The following SUGCT variants were observed in gnomAD, a reference collection of about 807,000 sequenced individuals.
SUGCT encodes succinyl-CoA:glutarate CoA-transferase.
Under a neutral mutation model 55.0 loss-of-function variants are expected in SUGCT, and 41 were observed. The ratio of observed to expected loss-of-function variants is 0.74; its 90% CI spans 0.58 to 0.97. The LOEUF (loss-of-function observed/expected upper bound fraction) is 0.97. SUGCT is among the 50% of genes least tolerant of loss of function. The pLI, the probability that SUGCT is intolerant of heterozygous loss-of-function variation, is 0.00. For synonymous variants in SUGCT, 187 were observed against 200.4 expected (o/e 0.93, Z 0.56); for missense variants, 568 against 547.8 (o/e 1.04, Z -0.37).
At chr7:40,739,683 A>C (rs899813935) in intron 12 of SUGCT, among the ~76,000 whole-genome samples, 2 of 151,948 alleles carry the variant, frequency 1.3e-5, no homozygotes, top group African/African-American at 4.8e-5. Flanking sequence ...CCTCTATTGC[A>C]TTTGTACCTT....
chr7:40,166,809 C>T (rs1413173367), intron 1 of SUGCT, among the ~76,000 whole-genome samples: 6 of 151,320 alleles, frequency 4.0e-5, no homozygotes, highest in Non-Finnish European at 7.4e-5. Context: ...ATTGCTTGAA[C>T]CCAGGAGGTG....
chr7:40,812,145 G>A (rs1263332144), intron 13 of SUGCT, among the ~76,000 whole-genome samples: 4 of 152,090 alleles, frequency 2.6e-5, no homozygotes, highest in African/African-American at 9.7e-5. Flanking sequence ...TTTGTGTCCT[G>A]TTGGATCTGG....
At chr7:40,843,319 G>A (rs966443228) in intron 13 of SUGCT, among the ~76,000 whole-genome samples, 3 of 151,976 alleles carry the variant, frequency 2.0e-5, no homozygotes, top group Non-Finnish European at 4.4e-5. Flanking sequence ...AGACCATCCC[G>A]GCCAACATGG....
intron 1 of SUGCT, among the ~76,000 whole-genome samples, chr7:40,176,286 T>C (rs907253631): frequency 6.6e-6 from 1 of 152,082 alleles, no homozygotes; most frequent in Non-Finnish European, 1.5e-5. Flanking sequence ...GAGTATTAAC[T>C]GTAATTCCTC....
At chr7:40,677,907 A>G (rs1376130604) in intron 12 of SUGCT, among the ~76,000 whole-genome samples, 3 of 152,138 alleles carry the variant, frequency 2.0e-5, no homozygotes, top group African/African-American at 7.2e-5. Flanking sequence ...CCTGGGCTGC[A>G]CTCATCTGAA....
chr7:40,801,160 T>G (rs1198608352), intron 13 of SUGCT, among the ~76,000 whole-genome samples: 1 of 152,142 alleles, frequency 6.6e-6, no homozygotes, highest in Non-Finnish European at 1.5e-5. Flanking sequence ...ATAGTGAAAG[T>G]GTGTGAACAC....
At chr7:40,389,851 A>G (rs1423027736) in intron 9 of SUGCT, among the ~76,000 whole-genome samples, 1 of 152,230 alleles carries the variant, frequency 6.6e-6, no homozygotes, top group Non-Finnish European at 1.5e-5. Context: ...TTTTAGACCA[A>G]TATCTCTGAT....
At chr7:40,878,269 A>T in the SUGCT span, among the ~76,000 whole-genome samples, 1 of 152,172 alleles carries the variant, frequency 6.6e-6, no homozygotes, top group Non-Finnish European at 1.5e-5. Context: ...AAAAAATATT[A>T]TCTTCTGTTT....
chr7:40,347,848 C>T lies in SUGCT; in HGVS notation c.816+30993C>T, dbSNP rs112602506. ...TCTGTTCAGATCATTTATGATATTTCGTTGTTCTAGTTACTCATGTTGTTA... is the reference window on the plus strand; with the variant it reads ...TCTGTTCAGATCATTTATGATATTTTGTTGTTCTAGTTACTCATGTTGTTA... On this transcript the variant is annotated intron_variant, in intron 9 of 13. Coordinates refer to ENST00000335693, the MANE Select transcript of SUGCT (RefSeq NM_001193313.2). 1.1e-3 allele frequency among the ~76,000 whole-genome samples: 161 copies of T among 152,276 alleles called. 3 individuals carry two copies. The highest frequency in any genetic ancestry group is 3.7e-3 in the African/African-American group (153 of 41,558).
intron 12 of SUGCT, among the ~76,000 whole-genome samples, chr7:40,497,686 C>T (rs1583834668): frequency 6.6e-6 from 1 of 152,180 alleles, no homozygotes; most frequent in East Asian, 1.9e-4. Context: ...GCCAAGCCAT[C>T]ATTTGAAGCT....
chr7:40,298,185 C>T (rs1794290560), intron 8 of SUGCT, among the ~76,000 whole-genome samples: 2 of 147,822 alleles, frequency 1.4e-5, no homozygotes. Flanking sequence ...TTTTGAGTAT[C>T]TTGATTTAAA....
intron 9 of SUGCT, among the ~76,000 whole-genome samples, chr7:40,436,699 G>A (rs1317480612): frequency 6.6e-6 from 1 of 152,154 alleles, no homozygotes; most frequent in African/African-American, 2.4e-5. Context: ...ACAACAAAGA[G>A]TACTTAAAAA....
chr7:40,883,121 T>C, the SUGCT span, among the ~76,000 whole-genome samples: 2 of 152,164 alleles, frequency 1.3e-5, no homozygotes, highest in African/African-American at 4.8e-5. Flanking sequence ...CAACTTAAGT[T>C]TGTGTGGTCA....
chr7:40,713,017 A>AT (rs1338475639), intron 12 of SUGCT, among the ~76,000 whole-genome samples: 1 of 152,084 alleles, frequency 6.6e-6, no homozygotes, highest in African/African-American at 2.4e-5. Context: ...GAAAGCCTCT[A>AT]TTTTTTTCCA....
chr7:40,476,029 G>A (rs1450625886), intron 11 of SUGCT, among the ~76,000 whole-genome samples: 1 of 152,024 alleles, frequency 6.6e-6, no homozygotes, highest in African/African-American at 2.4e-5. Context: ...TCTGGGGCTC[G>A]TACTGTCTCA....
intron 13 of SUGCT, 28 bp downstream of exon 13, chr7:40,749,525 G>A (rs1258166329): frequency 4.5e-5 from 71 of 1,577,388 alleles, no homozygotes; most frequent in Non-Finnish European, 6.1e-5. Flanking sequence ...ATTTTCTCTA[G>A]CACCTTTCTT....
intron 12 of SUGCT, among the ~76,000 whole-genome samples, chr7:40,591,396 C>T (rs763905356): frequency 1.8e-4 from 28 of 152,276 alleles, no homozygotes; most frequent in Non-Finnish European, 3.1e-4. Flanking sequence ...GAAGTTGCTT[C>T]TTATGGATGA....
At chr7:40,475,991 G>A (rs1179125874) in intron 11 of SUGCT, among the ~76,000 whole-genome samples, 1 of 152,032 alleles carries the variant, frequency 6.6e-6, no homozygotes. Flanking sequence ...ATAGCAGGGG[G>A]GTGGGATGGG....
At chr7:40,492,820 A>G (rs1208807113) in intron 11 of SUGCT, among the ~76,000 whole-genome samples, 1 of 152,130 alleles carries the variant, frequency 6.6e-6, no homozygotes, top group Non-Finnish European at 1.5e-5. Context: ...ACTTTGTTTC[A>G]GCATCCTGCA....
Sources: gnomAD v4.1 joint callset for allele counts (sites outside exome capture counted in the v4.1 genomes callset) on GRCh38, gnomAD v4.1.1 for gene constraint, MANE v1.5 for transcripts, NCBI Gene and HGNC (gene_info 2026-07-23, HGNC 2026-07-21) for gene names.